Variants in SPATA31H1 observed in about 807,000 individuals in gnomAD.
SPATA31H1 encodes the protein spermatogenesis-associated protein 31H1.
At chr2:27,577,805 A>T in the SPATA31H1 span, 1 of 1,614,190 alleles carries the variant, frequency 6.2e-7, no homozygotes, top group South Asian at 1.1e-5. The surrounding 1 kb of genome is among the most constrained non-coding windows in gnomAD (Gnocchi z 4.5). Context: ...AGCAATGGCT[A>T]CAAATGGAGG....
chr2:27,538,553 C>T, the SPATA31H1 span, among the ~76,000 whole-genome samples: 6 of 152,176 alleles, frequency 3.9e-5, no homozygotes, highest in East Asian at 1.9e-4. Context: ...AGAACGTAGC[C>T]GGGCGTGGTG....
the SPATA31H1 span, among the ~76,000 whole-genome samples, chr2:27,540,528 C>T: frequency 1.2e-5 from 1 of 82,278 alleles, no homozygotes; most frequent in Non-Finnish European, 2.5e-5. Flanking sequence ...GGGGGGCTGA[C>T]CCCCCCCCCA....
At chr2:27,544,835 A>T in the SPATA31H1 span, among the ~76,000 whole-genome samples, 1 of 151,874 alleles carries the variant, frequency 6.6e-6, no homozygotes, top group African/African-American at 2.4e-5. Flanking sequence ...GGCCTAAGCC[A>T]CTTCATCCGG....
the SPATA31H1 span, chr2:27,580,593 C>G: frequency 1.2e-6 from 2 of 1,614,038 alleles, no homozygotes; most frequent in African/African-American, 2.7e-5. Context: ...AAAAAGACAA[C>G]CTAAGAAACC....
chr2:27,541,267 C>G, the SPATA31H1 span, among the ~76,000 whole-genome samples: 2 of 151,854 alleles, frequency 1.3e-5, no homozygotes, highest in Non-Finnish European at 2.9e-5. Context: ...TGGCGGCGAG[C>G]GCCTGCAATC....
At chr2:27,568,683 T>A in the SPATA31H1 span, 1 of 398,760 alleles carries the variant, frequency 2.5e-6, no homozygotes, top group Non-Finnish European at 4.4e-6. Context: ...ATCTGCGGAG[T>A]TGGCCCCAAA....
the SPATA31H1 span, chr2:27,573,112 C>T: frequency 2.5e-6 from 1 of 396,832 alleles, no homozygotes; most frequent in Non-Finnish European, 4.4e-6. Context: ...AAATCCTCCA[C>T]AGAGTCGGGA....
the SPATA31H1 span, among the ~76,000 whole-genome samples, chr2:27,549,072 C>CA: frequency 0.027 from 1,399 of 51,044 alleles, 25 homozygotes; most frequent in African/African-American, 0.035. Context: ...GACTCCGTCT[C>CA]AAAAAAAAAA....
At chr2:27,582,410 T>C in the SPATA31H1 span, 1 of 1,614,224 alleles carries the variant, frequency 6.2e-7, no homozygotes, top group Non-Finnish European at 8.5e-7. Flanking sequence ...ACAGTTTCCC[T>C]GGAGAGAGGC....
chr2:27,568,414 AC>A, the SPATA31H1 span: 1 of 399,000 alleles, frequency 2.5e-6, no homozygotes, highest in East Asian at 3.6e-5. Flanking sequence ...ATATGTCAAG[AC>A]ACAAAATCAC....
At chr2:27,548,859 G>T in the SPATA31H1 span, among the ~76,000 whole-genome samples, 6 of 151,528 alleles carry the variant, frequency 4.0e-5, no homozygotes, top group African/African-American at 1.5e-4. Context: ...GATCACTTGA[G>T]GTCAGGAGTT....
the SPATA31H1 span, chr2:27,582,354 C>A: frequency 3.1e-6 from 5 of 1,614,038 alleles, no homozygotes; most frequent in Non-Finnish European, 4.2e-6. Context: ...CCATTGCAGT[C>A]CCTCTGAGAG....
chr2:27,576,074 G>C, the SPATA31H1 span: 1 of 399,974 alleles, frequency 2.5e-6, no homozygotes, highest in East Asian at 3.6e-5. Flanking sequence ...CACAGGTGCA[G>C]TATGTGAATT....
At chr2:27,582,372 C>T in the SPATA31H1 span, 6 of 1,614,234 alleles carry the variant, frequency 3.7e-6, no homozygotes, top group East Asian at 4.5e-5. Flanking sequence ...GAGGAGCCGA[C>T]GCAGTCCCCT....
chr2:27,566,321 A>ATCTT, the SPATA31H1 span: 1 of 717,408 alleles, frequency 1.4e-6, no homozygotes, highest in Non-Finnish European at 2.6e-6. Context: ...TGGACCCAGG[A>ATCTT]ATATATACTC....
the SPATA31H1 span, chr2:27,566,931 G>A: frequency 7.0e-6 from 5 of 717,474 alleles, no homozygotes; most frequent in South Asian, 7.4e-5. Context: ...CTTTTCTGAA[G>A]GAACAACTTG....
chr2:27,571,818 C>A, the SPATA31H1 span: 1 of 398,432 alleles, frequency 2.5e-6, no homozygotes, highest in Non-Finnish European at 4.4e-6. Flanking sequence ...GACCCCATGG[C>A]AAAAGAGGCA....
chr2:27,577,480 G>T, the SPATA31H1 span: 2 of 1,614,094 alleles, frequency 1.2e-6, no homozygotes, highest in Non-Finnish European at 1.7e-6. This position sits in a 1 kb window ranked among gnomAD's most constrained non-coding sequence, Gnocchi z 4.5. Context: ...CAAGCCACTG[G>T]ATTTGCAGAG....
the SPATA31H1 span, chr2:27,582,680 G>C: frequency 1.4e-6 from 1 of 713,726 alleles, no homozygotes; most frequent in African/African-American, 1.8e-5. Context: ...GGGTGAGAAT[G>C]GGTCTGTAAT....
Sources: allele counts gnomAD v4.1 joint callset (sites outside exome capture counted in the v4.1 genomes callset), GRCh38; gene constraint gnomAD v4.1.1; non-coding constraint Gnocchi (gnomAD v3.1); transcripts MANE v1.5; gene names NCBI Gene and HGNC (gene_info 2026-07-23, HGNC 2026-07-21).